LIPG: variants seen among roughly 807,000 people sequenced by gnomAD.
LIPG encodes the protein lipase G, endothelial type.
In LIPG, 34 loss-of-function variants were observed where a neutral mutation model predicts 51.8. That is an observed-to-expected ratio of 0.66 (90% CI 0.50 to 0.87). The LOEUF is 0.87. Among genes scored for constraint, LIPG ranks in the 40% least tolerant of loss-of-function variants. The pLI is 0.00. For missense variants in LIPG, 580 were observed against 652.7 expected, an observed-to-expected ratio of 0.89 and a Z score of 1.21; for synonymous variants, 246 against 246.1, an observed-to-expected ratio of 1.00 and a Z score of 0.00.
At chr18:49,573,511 C>T (rs1405569602) in intron 4 of LIPG, among the ~76,000 whole-genome samples, 3 of 150,402 alleles carry the variant, frequency 2.0e-5, no homozygotes, top group South Asian at 2.1e-4. Context: ...ACCCAGGAGG[C>T]GGAGGCTGCA....
At chr18:49,582,263 CA>C in intron 6 of LIPG, 98 bp from the exon 7 acceptor site, 1 of 1,495,276 alleles carries the variant, frequency 6.7e-7, no homozygotes, top group Non-Finnish European at 9.3e-7. Flanking sequence ...AAAAGAACAC[CA>C]GCCCTAAAAT....
chr18:49,579,965 A>C (rs946853289), intron 5 of LIPG, among the ~76,000 whole-genome samples: 5 of 151,942 alleles, frequency 3.3e-5, no homozygotes, highest in Admixed American at 1.3e-4. Context: ...GGTGCTTACC[A>C]CCATGTACAG....
Position 49,596,158 on chromosome 18 carries a change from C to A in LIPG, c.*5636C>A, listed in dbSNP as rs1223731669. 1 of 151,982 alleles carries A rather than the reference C, an allele frequency of 6.6e-6. No individual in the cohort carries two copies. The allele number at this position is 151,982 out of a possible 1,614,324, so 9.4% of individuals were successfully genotyped here. On this transcript the variant is annotated 3_prime_UTR_variant, in exon 10 of 10. Coordinates refer to ENST00000261292, the MANE Select transcript of LIPG (RefSeq NM_006033.4). ...TAGAAGTTAAAACCATCAACCCCCC[C>A]AAAACAAAAATGAATTCCATCTGAA...
intron 5 of LIPG, among the ~76,000 whole-genome samples, chr18:49,580,708 C>T (rs932926412): frequency 9.9e-5 from 15 of 152,224 alleles, no homozygotes; most frequent in African/African-American, 2.4e-4. Context: ...CTGAGCCCTG[C>T]GTGAGATGAT....
In LIPG at chr18:49,567,531, G is replaced by A. The variant is rs757743655; in HGVS notation, c.369G>A (p.Trp123Ter). ...EKDANVVVVD[W>*]LPLAHQLYTD... ...ACGCCAATGTAGTTGTGGTTGACTG[G>A]CTCCCCCTGGCCCACCAGCTTTACA... The change falls in exon 3 of 10, where the codon TGG becomes TGA. Residue 123 changes from tryptophan to a stop codon, truncating the protein, a stop_gained. Coordinates refer to ENST00000261292, the MANE Select transcript of LIPG (RefSeq NM_006033.4). LOFTEE classifies it high-confidence loss of function. 6.2e-7 allele frequency: 1 copy of A among 1,614,108 alleles called. No individual in the cohort carries two copies. Among genetic ancestry groups the A allele is most frequent in the South Asian group, 1.1e-5 (1 of 91,084 alleles).
Position 49,567,587 on chromosome 18 carries a change from G to C in LIPG, c.425G>C (p.Gly142Ala). ...GCGGTCAATAATACCAGGGTGGTGGGACACAGCATTGCCAGGATGCTCGAC... is the reference window on the plus strand; with the variant it reads ...GCGGTCAATAATACCAGGGTGGTGGCACACAGCATTGCCAGGATGCTCGAC... ...TDAVNNTRVVGHSIARMLDWL... is the reference protein window; with the variant it reads ...TDAVNNTRVVAHSIARMLDWL... The change falls in exon 3 of 10, where the codon GGA becomes GCA. Residue 142 changes from glycine (G) to alanine (A), a missense_variant. By Grantham distance (60) the Gly-to-Ala change is moderately conservative. Coordinates refer to ENST00000261292, the MANE Select transcript of LIPG (RefSeq NM_006033.4). 6.2e-7 allele frequency: 1 copy of C among 1,614,106 alleles called. No individual in the cohort carries two copies. Among genetic ancestry groups the C allele is most frequent in the Non-Finnish European group, 8.5e-7 (1 of 1,180,032 alleles).
chr18:49,569,088 T>G (rs531606351), intron 3 of LIPG, among the ~76,000 whole-genome samples: 1 of 152,074 alleles, frequency 6.6e-6, no homozygotes, highest in South Asian at 2.1e-4. Flanking sequence ...CAGTCTCCAG[T>G]GAGTACGGCA....
chr18:49,582,497 T>C lies in LIPG; in HGVS notation c.1157+15T>C. On this transcript the variant is annotated intron_variant, in intron 7 of 9. Coordinates refer to ENST00000261292, the MANE Select transcript of LIPG (RefSeq NM_006033.4). ...CCACTGGAAATGTAAGTCATCCGTT[T>C]CCCTTGCTGGGTTCGGGACAGAGAA... 1 of 1,614,228 alleles carries C rather than the reference T, an allele frequency of 6.2e-7. No individual in the cohort carries two copies. Among genetic ancestry groups the C allele is most frequent in the Non-Finnish European group, 8.5e-7 (1 of 1,180,032 alleles).
chr18:49,569,029 C>T (rs2084635850), intron 3 of LIPG, among the ~76,000 whole-genome samples: 1 of 152,130 alleles, frequency 6.6e-6, no homozygotes, highest in South Asian at 2.1e-4. Flanking sequence ...GAGGTCAGGC[C>T]TTAGAGGGCA....
At chr18:49,566,764 C>T (rs1017067920) in intron 2 of LIPG, among the ~76,000 whole-genome samples, 9 of 152,124 alleles carry the variant, frequency 5.9e-5, no homozygotes, top group Non-Finnish European at 1.2e-4. Flanking sequence ...CAGGGCAACC[C>T]TCCCTAGCTG....
At position 49,586,836 on chromosome 18, in the gene LIPG, G is replaced by A. The variant is rs1385623905; in HGVS notation, c.1467G>A (p.Met489Ile). The change falls in exon 9 of 10, where the codon ATG becomes ATA. Residue 489 changes from methionine to isoleucine, a missense_variant. Coordinates refer to ENST00000261292, the MANE Select transcript of LIPG (RefSeq NM_006033.4). ...WFRKCRDGWR[M>I]KNETSPTVEL... Reference sequence around the variant, plus strand: ...GCAAGTGTCGGGATGGCTGGAGGATGAAAAACGAAACCAGGTAACCAGGAC... The same window carrying A: ...GCAAGTGTCGGGATGGCTGGAGGATAAAAAACGAAACCAGGTAACCAGGAC... The A allele has an allele frequency of 1.9e-6, 3 of 1,613,708 alleles. No individual in the cohort carries two copies. In the East Asian group the frequency reaches 6.7e-5, roughly 36 times the overall value.
At chr18:49,580,557 T>C (rs1390046695) in intron 5 of LIPG, among the ~76,000 whole-genome samples, 3 of 152,036 alleles carry the variant, frequency 2.0e-5, no homozygotes, top group Non-Finnish European at 4.4e-5. Context: ...GCAGGAGGAC[T>C]GCTTGGGCCC....
intron 3 of LIPG, among the ~76,000 whole-genome samples, chr18:49,568,851 G>C (rs1317033903): frequency 6.6e-6 from 1 of 152,042 alleles, no homozygotes; most frequent in Non-Finnish European, 1.5e-5. Context: ...CAGGATTCTC[G>C]AGCAGTCCCT....
At chr18:49,585,660 G>T (rs1197852167) in intron 8 of LIPG, among the ~76,000 whole-genome samples, 1 of 152,166 alleles carries the variant, frequency 6.6e-6, no homozygotes, top group Non-Finnish European at 1.5e-5. Context: ...GTGTGTAAGG[G>T]CTGTTTCTCA....
Position 49,590,931 on chromosome 18 carries a change from C to T in LIPG, c.*409C>T, listed in dbSNP as rs2084936675. 9.8e-6 allele frequency: 3 copies of T among 306,970 alleles called. No homozygotes were observed. The highest frequency in any genetic ancestry group is 4.4e-5 in the Admixed American group (1 of 22,948). 19.0% of individuals were successfully genotyped at this position (306,970 alleles called of 1,614,324 possible). On this transcript the variant is annotated 3_prime_UTR_variant, in exon 10 of 10. Coordinates refer to ENST00000261292, the MANE Select transcript of LIPG (RefSeq NM_006033.4). ...TGTCAGCTGCTCAGCCTGCTTTGAG[C>T]CTCAGTGAGAAGTCCTTCCGACAGG...
Position 49,569,496 on chromosome 18 carries a change from C to A in LIPG, c.519C>A (p.His173Gln), listed in dbSNP as rs139830474. ...TGATCGGCTACAGCCTCGGAGCGCA[C>A]GTGGCCGGGTATGCAGGCAACTTCG... ...VHLIGYSLGA[H>Q]VAGYAGNFVK... is the part of the protein sequence containing the mutation. Residue 173 changes from histidine (H) to glutamine (Q), a missense_variant, in exon 4 of 10, where the codon CAC (histidine) becomes CAA (glutamine). His to Gln is a conservative substitution (Grantham distance 24). Coordinates refer to ENST00000261292, the MANE Select transcript of LIPG (RefSeq NM_006033.4). 1.2e-6 allele frequency: 2 copies of A among 1,614,186 alleles called. No individual in the cohort carries two copies. Among genetic ancestry groups the A allele is most frequent in the Admixed American group, 1.7e-5 (1 of 60,020 alleles).
intron 9 of LIPG, among the ~76,000 whole-genome samples, chr18:49,588,314 ACT>A (rs2084905549): frequency 7.1e-6 from 1 of 140,300 alleles, no homozygotes; most frequent in African/African-American, 2.6e-5. Flanking sequence ...ACAAAGTCTC[ACT>A]CTATCGCTCA....
chr18:49,577,224 C>G (rs1444184688), intron 5 of LIPG, among the ~76,000 whole-genome samples: 24 of 130,972 alleles, frequency 1.8e-4, no homozygotes, highest in African/African-American at 6.7e-4. Flanking sequence ...TGACTCTTAA[C>G]GAGCATGCTG....
intron 4 of LIPG, 88 bp from the exon 5 acceptor site, chr18:49,575,281 C>A: frequency 9.9e-7 from 1 of 1,012,982 alleles, no homozygotes. Flanking sequence ...CATCTTCATT[C>A]TGCACACTCA....
Sources: gnomAD v4.1 joint callset for allele counts (sites outside exome capture counted in the v4.1 genomes callset) on GRCh38, gnomAD v4.1.1 for gene constraint, MANE v1.5 for transcripts, NCBI Gene and HGNC (gene_info 2026-07-23, HGNC 2026-07-21) for gene names.